Variants in ADAMTS12 observed in about 807,000 individuals in gnomAD.
The protein encoded by ADAMTS12 is ADAM metallopeptidase with thrombospondin type 1 motif 12.
Under a neutral mutation model 167.8 loss-of-function variants are expected in ADAMTS12, and 118 were observed. That is an observed-to-expected ratio of 0.70 (90% CI 0.61 to 0.82). ADAMTS12 has a LOEUF of 0.82. Ranked by LOEUF, ADAMTS12 falls within the 40% of genes least tolerant of loss-of-function variation. The pLI, the probability that ADAMTS12 is intolerant of heterozygous loss-of-function variation, is 0.00. For missense variants in ADAMTS12, 1,916 were observed against 1,998.8 expected (o/e 0.96, Z 0.79); for synonymous variants, 704 against 716.9 (o/e 0.98, Z 0.29).
At chr5:33,564,908 G>A (rs1262328157) in intron 19 of ADAMTS12, among the ~76,000 whole-genome samples, 1 of 152,224 alleles carries the variant, frequency 6.6e-6, no homozygotes, top group Non-Finnish European at 1.5e-5. Flanking sequence ...CAGGAATGAT[G>A]AGGTGATACT....
intron 2 of ADAMTS12, among the ~76,000 whole-genome samples, chr5:33,787,534 T>A (rs1284241680): frequency 3.9e-5 from 6 of 152,244 alleles, no homozygotes; most frequent in African/African-American, 1.2e-4. Flanking sequence ...AGGACTTTAG[T>A]TGCCAAGTAT....
chr5:33,734,826 A>C (rs77449027), intron 3 of ADAMTS12, among the ~76,000 whole-genome samples: 1 of 152,200 alleles, frequency 6.6e-6, no homozygotes, highest in Non-Finnish European at 1.5e-5. Context: ...GAAATGTTCC[A>C]GAGCCTGGCT....
intron 19 of ADAMTS12, among the ~76,000 whole-genome samples, chr5:33,571,097 T>A (rs991800437): frequency 6.6e-6 from 1 of 152,096 alleles, no homozygotes; most frequent in Non-Finnish European, 1.5e-5. Context: ...TTCATAAAGC[T>A]AGCCCTGAGT....
intron 2 of ADAMTS12, among the ~76,000 whole-genome samples, chr5:33,865,413 C>T (rs948213515): frequency 5.3e-5 from 8 of 151,930 alleles, no homozygotes; most frequent in Admixed American, 1.3e-4. Context: ...GATAAAATCC[C>T]GCATTGCTTT....
chr5:33,616,854 A>G (rs1739043016), intron 14 of ADAMTS12, among the ~76,000 whole-genome samples: 1 of 152,208 alleles, frequency 6.6e-6, no homozygotes, highest in African/African-American at 2.4e-5. Flanking sequence ...TCATTATGGT[A>G]AGAGGCATAC....
At chr5:33,690,471 AG>A (rs1561216579) in intron 3 of ADAMTS12, among the ~76,000 whole-genome samples, 4 of 151,864 alleles carry the variant, frequency 2.6e-5, no homozygotes, top group Middle Eastern at 3.4e-3. Flanking sequence ...AAAAAAAAAA[AG>A]AAAGAAAGAG....
intron 16 of ADAMTS12, among the ~76,000 whole-genome samples, chr5:33,598,497 G>A (rs1395002162): frequency 6.6e-6 from 1 of 152,206 alleles, no homozygotes; most frequent in East Asian, 1.9e-4. Context: ...GTAGGAAAAT[G>A]AGAACAGTGA....
intron 2 of ADAMTS12, among the ~76,000 whole-genome samples, chr5:33,814,979 T>C (rs1450133809): frequency 6.6e-6 from 1 of 152,226 alleles, no homozygotes; most frequent in Non-Finnish European, 1.5e-5. Context: ...CTGCAAATAC[T>C]GTCAGTAGTT....
intron 2 of ADAMTS12, among the ~76,000 whole-genome samples, chr5:33,810,208 A>G (rs1404737471): frequency 1.3e-5 from 2 of 152,198 alleles, no homozygotes; most frequent in East Asian, 3.9e-4. Context: ...GGTAGCAGAA[A>G]AAAATGCTAG....
At chr5:33,594,600 T>C (rs553301435) in intron 17 of ADAMTS12, among the ~76,000 whole-genome samples, 35 of 152,278 alleles carry the variant, frequency 2.3e-4, no homozygotes, top group African/African-American at 8.4e-4. Context: ...AGGTAAAACC[T>C]AGTGCTAGCC....
chr5:33,794,088 C>T (rs1191953371), intron 2 of ADAMTS12, among the ~76,000 whole-genome samples: 1 of 152,210 alleles, frequency 6.6e-6, no homozygotes, highest in Non-Finnish European at 1.5e-5. Context: ...AGGGAGCTCC[C>T]AGGGCCTTCC....
At chr5:33,531,653 T>A (rs1042986184) in intron 23 of ADAMTS12, among the ~76,000 whole-genome samples, 3 of 152,250 alleles carry the variant, frequency 2.0e-5, no homozygotes, top group African/African-American at 7.2e-5. Flanking sequence ...CATGAATAGG[T>A]CTTCTCTGCC....
chr5:33,832,746 T>C (rs1748348945), intron 2 of ADAMTS12, among the ~76,000 whole-genome samples: 1 of 152,144 alleles, frequency 6.6e-6, no homozygotes, highest in Admixed American at 6.5e-5. Context: ...GAGCTGGATT[T>C]CCCCTTCTTT....
intron 12 of ADAMTS12, among the ~76,000 whole-genome samples, chr5:33,636,104 G>A (rs1161801853): frequency 6.6e-6 from 1 of 152,132 alleles, no homozygotes; most frequent in Non-Finnish European, 1.5e-5. Flanking sequence ...CAAATGAAAA[G>A]CAATGCTGAA....
intron 2 of ADAMTS12, among the ~76,000 whole-genome samples, chr5:33,802,470 G>A (rs1432631855): frequency 6.6e-6 from 1 of 152,202 alleles, no homozygotes; most frequent in African/African-American, 2.4e-5. Context: ...AGATGCCACT[G>A]CTCCACAGGA....
intron 18 of ADAMTS12, among the ~76,000 whole-genome samples, chr5:33,579,632 G>A (rs1222883863): frequency 6.6e-6 from 1 of 152,176 alleles, no homozygotes; most frequent in Non-Finnish European, 1.5e-5. Flanking sequence ...TAAAACCTCT[G>A]AGAAATAGCT....
intron 2 of ADAMTS12, among the ~76,000 whole-genome samples, chr5:33,754,961 T>C (rs1396562012): frequency 2.6e-5 from 4 of 152,202 alleles, no homozygotes; most frequent in Non-Finnish European, 5.9e-5. Flanking sequence ...TATAAACATA[T>C]GGAGAGATGT....
chr5:33,580,472 C>T (rs919237435), intron 18 of ADAMTS12, among the ~76,000 whole-genome samples: 6 of 152,004 alleles, frequency 3.9e-5, no homozygotes, highest in African/African-American at 1.5e-4. Flanking sequence ...TTCCCTCCCT[C>T]AACACATGGG....
intron 19 of ADAMTS12, among the ~76,000 whole-genome samples, chr5:33,562,917 T>C (rs1745817243): frequency 6.6e-6 from 1 of 152,058 alleles, no homozygotes; most frequent in Admixed American, 6.5e-5. Context: ...CAGGCATGAG[T>C]CACCACGCCT....
Sources: gnomAD v4.1 joint callset for allele counts (sites outside exome capture counted in the v4.1 genomes callset) on GRCh38, gnomAD v4.1.1 for gene constraint, MANE v1.5 for transcripts, NCBI Gene and HGNC (gene_info 2026-07-23, HGNC 2026-07-21) for gene names.